The following MPDZ variants were observed in gnomAD, a reference collection of about 807,000 sequenced individuals.
MPDZ encodes the protein multiple PDZ domain crumbs cell polarity complex component.
In MPDZ, 234 loss-of-function variants were observed where a neutral mutation model predicts 239.1. That is an observed-to-expected ratio of 0.98 (90% CI 0.88 to 1.09). The LOEUF is 1.09. Among genes scored for constraint, MPDZ ranks in the 50% least tolerant of loss-of-function variants. MPDZ has a pLI of 0.00. For missense variants in MPDZ, 3,175 were observed against 2,510.0 expected (o/e 1.26, Z -5.66); for synonymous variants, 1,048 against 881.3 (o/e 1.19, Z -3.35).
rs200844814 is a variant in MPDZ, at chr9:13,147,553, G to T, written c.3736C>A (p.Pro1246Thr). 4 of 1,610,770 alleles carry T rather than the reference G, an allele frequency of 2.5e-6. No homozygotes were observed. In the African/African-American group the frequency reaches 4.0e-5, roughly 16 times the overall value. The change falls in exon 26 of 47, where the codon CCA becomes ACA. Residue 1246 changes from proline (P) to threonine (T), a missense_variant. Transcript: ENST00000319217. ...VFMVQSIINRPRKSPLPSLLH... is the reference protein window; with the variant it reads ...VFMVQSIINRTRKSPLPSLLH... The stretch of plus-strand genomic sequence containing the variant: ...TGCCCTTTGTGTTCGCTTACCCTTG[G>T]TCTGTTTATAATGCTCTGTACCATA...
chr9:13,122,840 A>T (rs1046282317), intron 36 of MPDZ, among the ~76,000 whole-genome samples: 4 of 152,164 alleles, frequency 2.6e-5, no homozygotes, highest in Admixed American at 6.5e-5. Context: ...AAATGGGTTT[A>T]ACCCAACCTG....
rs1563875999 is a variant in MPDZ, at chr9:13,136,190, C to G, written c.4293-8G>C. 5.1e-6 allele frequency: 8 copies of G among 1,580,092 alleles called. No individual in the cohort carries two copies. The highest frequency in any genetic ancestry group is 6.9e-6 in the Non-Finnish European group (8 of 1,153,466). ...TTCACTGCATCTTTATTTCTAAAAG[C>G]AAAAAAACAACAACCTATTATAACA... On this transcript the variant is annotated splice_region_variant and splice_polypyrimidine_tract_variant and intron_variant, in intron 30 of 46. Transcript: ENST00000319217.
chr9:13,279,034 TAGTC>T (rs1364541481), intron 1 of MPDZ: 9 of 151,634 alleles, frequency 5.9e-5, no homozygotes, highest in East Asian at 4.0e-4. Context: ...TTAAACCTCT[TAGTC>T]AGCGAGAGCA....
At position 13,138,082 on chromosome 9, in the gene MPDZ, C is replaced by G. The variant is rs745696435; in HGVS notation, c.4075G>C (p.Gly1359Arg). 11 of 1,613,662 alleles carry G rather than the reference C, an allele frequency of 6.8e-6. No homozygotes were observed. The South Asian group carries it at 1.2e-4, about 18-fold the overall frequency. Residue 1359 changes from glycine to arginine, a missense_variant, in exon 29 of 47, where the codon GGT becomes CGT. Gly to Arg is a moderately radical substitution (Grantham distance 125). Transcript: ENST00000319217. The stretch of plus-strand genomic sequence containing the variant: ...TTCCCAGCAAGACTTAGGCCCAAAC[C>G]ACTATGACCTTTCTCCAGTTCAATC... ...HMIELEKGHSGLGLSLAGNKD... is the reference protein window; with the variant it reads ...HMIELEKGHSRLGLSLAGNKD...
intron 12 of MPDZ, among the ~76,000 whole-genome samples, chr9:13,203,195 T>G (rs1471449758): frequency 6.6e-6 from 1 of 152,098 alleles, no homozygotes; most frequent in African/African-American, 2.4e-5. Flanking sequence ...ACAAATTCAG[T>G]ACAGAGAGAA....
chr9:13,247,358 T>C (rs990642306), intron 3 of MPDZ, among the ~76,000 whole-genome samples: 2 of 152,148 alleles, frequency 1.3e-5, no homozygotes, highest in African/African-American at 4.8e-5. Context: ...ATCCTAAACA[T>C]ATTTTTATCA....
chr9:13,137,207 C>A (rs570972778), intron 29 of MPDZ, among the ~76,000 whole-genome samples: 1 of 152,170 alleles, frequency 6.6e-6, no homozygotes, highest in African/African-American at 2.4e-5. Context: ...CACTTAGTCT[C>A]AAAACTCAAG....
intron 7 of MPDZ, among the ~76,000 whole-genome samples, chr9:13,220,615 C>A (rs967575274): frequency 6.6e-6 from 1 of 151,880 alleles, no homozygotes; most frequent in Admixed American, 6.6e-5. Context: ...AATTTGCATA[C>A]TATTATATTA....
chr9:13,140,510 G>T (rs912421868), intron 27 of MPDZ, among the ~76,000 whole-genome samples: 6 of 148,750 alleles, frequency 4.0e-5, no homozygotes, highest in Admixed American at 1.3e-4. Context: ...TATATATATA[G>T]ATAGATAGAT....
At chr9:13,131,380 C>G (rs896080865) in intron 32 of MPDZ, among the ~76,000 whole-genome samples, 1 of 152,124 alleles carries the variant, frequency 6.6e-6, no homozygotes, top group Non-Finnish European at 1.5e-5. Context: ...TGTATAAATT[C>G]TTTCATTTAA....
chr9:13,222,290 G>T lies in MPDZ; in HGVS notation c.690C>A (p.Ser230Arg), dbSNP rs1959176721. ...CAGATGGAGAACGGGAAACTATGGG[G>T]CTGACAAGCTGAGGCAATGAGCCTC... is the stretch of plus-strand genomic sequence containing the variant. ...IARGSLPQLV[S>R]PIVSRSPSAA... Residue 230 changes from serine (S) to arginine (R), a missense_variant, in exon 6 of 47, where the codon AGC becomes AGA. Ser to Arg is a moderately radical substitution (Grantham distance 110, BLOSUM62 -1). Transcript: ENST00000319217. 6.2e-6 allele frequency: 10 copies of T among 1,612,736 alleles called. No homozygotes were observed. Among genetic ancestry groups the T allele is most frequent in the Non-Finnish European group, 8.5e-6 (10 of 1,179,256 alleles).
intron 39 of MPDZ, among the ~76,000 whole-genome samples, chr9:13,117,027 CTA>C (rs1943568493): frequency 6.6e-6 from 1 of 151,920 alleles, no homozygotes; most frequent in Admixed American, 6.6e-5. Context: ...TCTATATATA[CTA>C]TGTTTTTTCC....
At position 13,109,965 on chromosome 9, in the gene MPDZ, G is replaced by A; in HGVS notation, c.5929C>T (p.Gln1977Ter). 6.2e-7 allele frequency: 1 copy of A among 1,612,448 alleles called. No individual in the cohort carries two copies. The highest frequency in any genetic ancestry group is 8.5e-7 in the Non-Finnish European group (1 of 1,179,362). Reference sequence around the variant, plus strand: ...GTATGAACTCACCCTAAATCATCCTGAAATATACTGCTTGACGTCAGCCCA... The same window carrying A: ...GTATGAACTCACCCTAAATCATCCTAAAATATACTGCTTGACGTCAGCCCA... ...FTGLTSSSIF[Q>*]DDLGPPQCKS... The change falls in exon 45 of 47, where the codon CAG (glutamine) becomes TAG (stop). Residue 1977 changes from glutamine to a stop codon, truncating the protein, a stop_gained. Coordinates refer to ENST00000319217, the MANE Select transcript of MPDZ (RefSeq NM_001378778.1). LOFTEE classifies it high-confidence loss of function.
intron 10 of MPDZ, among the ~76,000 whole-genome samples, chr9:13,210,841 C>T (rs1329931434): frequency 6.6e-6 from 1 of 152,130 alleles, no homozygotes; most frequent in Non-Finnish European, 1.5e-5. Flanking sequence ...TATACCTCCA[C>T]TGGAATCTTC....
chr9:13,127,430 G>C (rs1945284332), intron 32 of MPDZ, among the ~76,000 whole-genome samples: 1 of 152,162 alleles, frequency 6.6e-6, no homozygotes, highest in African/African-American at 2.4e-5. Flanking sequence ...CAAATGTTCA[G>C]AAATATTGGC....
chr9:13,215,772 TTTGTCTTTTTTTA>T (rs892279829), intron 10 of MPDZ, among the ~76,000 whole-genome samples: 21 of 138,224 alleles, frequency 1.5e-4, no homozygotes, highest in African/African-American at 5.4e-4. Context: ...TTTTTTTTTT[TTTGTCTTTTTTTA>T]GAGGCAAGAT....
At chr9:13,266,507 C>T (rs951529069) in intron 1 of MPDZ, among the ~76,000 whole-genome samples, 2 of 152,150 alleles carry the variant, frequency 1.3e-5, no homozygotes, top group Non-Finnish European at 2.9e-5. Flanking sequence ...CAATTCAGAA[C>T]CCTTAAATTC....
intron 7 of MPDZ, 46 bp from the exon 8 acceptor site, chr9:13,219,814 G>C (rs961428429): frequency 6.4e-7 from 1 of 1,554,428 alleles, no homozygotes; most frequent in Non-Finnish European, 8.8e-7. Context: ...TATTTTAACT[G>C]CAACAGATAA....
At chr9:13,138,456 G>T (rs1270999898) in intron 28 of MPDZ, among the ~76,000 whole-genome samples, 1 of 152,144 alleles carries the variant, frequency 6.6e-6, no homozygotes, top group Admixed American at 6.5e-5. Flanking sequence ...AAAAGACTAT[G>T]ATTAAACCAG....
Sources: gnomAD v4.1 joint callset for allele counts (sites outside exome capture counted in the v4.1 genomes callset) on GRCh38, gnomAD v4.1.1 for gene constraint, MANE v1.5 for transcripts, NCBI Gene and HGNC (gene_info 2026-07-23, HGNC 2026-07-21) for gene names.